Variants in GALNTL6 observed in about 807,000 individuals in gnomAD.
GALNTL6 encodes polypeptide N-acetylgalactosaminyltransferase like 6, also known as polypeptide N-acetylgalactosaminyltransferase-like 6.
Under a neutral mutation model 73.7 loss-of-function variants are expected in GALNTL6, and 46 were observed. The ratio of observed to expected loss-of-function variants is 0.62; its 90% confidence interval spans 0.49 to 0.80. The LOEUF (loss-of-function observed/expected upper bound fraction) is 0.80. Among genes scored for constraint, GALNTL6 ranks in the 30% least tolerant of loss-of-function variants. The probability of loss-of-function intolerance (pLI) is 0.00; values close to 1 mark genes in which losing one functional copy is unlikely to be tolerated. For missense variants in GALNTL6, 604 were observed against 755.0 expected (o/e 0.80, Z 2.34); for synonymous variants, 259 against 263.7 (o/e 0.98, Z 0.17).
chr4:172,993,336 T>A (rs1354882652), intron 10 of GALNTL6, among the ~76,000 whole-genome samples: 4 of 152,254 alleles, frequency 2.6e-5, no homozygotes, highest in Non-Finnish European at 5.9e-5. Flanking sequence ...GGCCAAATCC[T>A]GCTGACACCT....
At position 172,341,465 on chromosome 4, in the gene GALNTL6, A is replaced by G. The variant is rs1391249992; in HGVS notation, c.387-7058A>G. ...GACTCCGTCTCAAAAAAAAAAAAAA[A>G]AAAAAAAAAAAATGTAGTTGTTTAG... On this transcript the variant is annotated intron_variant, in intron 4 of 12. Coordinates refer to ENST00000506823, the MANE Select transcript of GALNTL6 (RefSeq NM_001034845.3). Among the ~76,000 whole-genome samples the G allele has an allele frequency of 2.7e-3, 413 of 150,604 alleles. 2 individuals carry two copies. The highest frequency in any genetic ancestry group is 4.2e-3 in the South Asian group (20 of 4,724).
intron 2 of GALNTL6, among the ~76,000 whole-genome samples, chr4:172,107,125 G>A (rs1272782763): frequency 7.9e-5 from 12 of 152,016 alleles, no homozygotes; most frequent in African/African-American, 1.4e-4. Context: ...TGCCCGCCTC[G>A]GCCTCCCAAA....
chr4:172,157,606 G>T (rs928525696), intron 2 of GALNTL6, among the ~76,000 whole-genome samples: 5 of 152,074 alleles, frequency 3.3e-5, no homozygotes, highest in African/African-American at 4.8e-5. Flanking sequence ...GTAATCAATT[G>T]CAGAGAGTAT....
In GALNTL6 at chr4:171,970,121, C is replaced by T. The variant is rs142850861; in HGVS notation, c.138+155403C>T. Among the ~76,000 whole-genome samples, 5 of 152,184 alleles carry T rather than the reference C, an allele frequency of 3.3e-5. No homozygotes were observed. In the East Asian group the frequency reaches 5.8e-4, roughly 18 times the overall value. ...AAATTATGGATTCAACTTGACTTTG[C>T]GTATAAATTGAAGAGAGGATTTTTG... On this transcript the variant is annotated intron_variant, in intron 2 of 12. Coordinates refer to ENST00000506823, the MANE Select transcript of GALNTL6 (RefSeq NM_001034845.3).
intron 5 of GALNTL6, among the ~76,000 whole-genome samples, chr4:172,413,069 A>C (rs1744505059): frequency 6.6e-6 from 1 of 152,118 alleles, no homozygotes; most frequent in Non-Finnish European, 1.5e-5. Context: ...GAAGACTCCC[A>C]CTTAGTTCTC....
At chr4:172,188,205 C>T (rs1579231397) in intron 2 of GALNTL6, among the ~76,000 whole-genome samples, 1 of 152,278 alleles carries the variant, frequency 6.6e-6, no homozygotes, top group South Asian at 2.1e-4. Context: ...CATACAAATT[C>T]TATTCAACAT....
chr4:171,869,244 G>C (rs991571901), intron 2 of GALNTL6, among the ~76,000 whole-genome samples: 1 of 152,136 alleles, frequency 6.6e-6, no homozygotes, highest in African/African-American at 2.4e-5. Flanking sequence ...TAGAAAGAAA[G>C]AGAAAAGGAA....
intron 5 of GALNTL6, among the ~76,000 whole-genome samples, chr4:172,487,490 G>A (rs6835263): frequency 0.05 from 7,549 of 151,614 alleles, 580 homozygotes; most frequent in African/African-American, 0.17. Context: ...GGGTTCAAGC[G>A]ATTCTCTTGC....
At chr4:171,884,061 T>C (rs1182007312) in intron 2 of GALNTL6, among the ~76,000 whole-genome samples, 1 of 152,184 alleles carries the variant, frequency 6.6e-6, no homozygotes, top group African/African-American at 2.4e-5. Context: ...AGTAACATAT[T>C]TTACAAACTA....
At chr4:172,831,674 T>A (rs778196887) in intron 7 of GALNTL6, among the ~76,000 whole-genome samples, 1 of 152,026 alleles carries the variant, frequency 6.6e-6, no homozygotes, top group Non-Finnish European at 1.5e-5. Context: ...ATGACCTAAG[T>A]GTTTGTATCC....
At position 172,405,425 on chromosome 4, in the gene GALNTL6, ATATATATATATATATATATTTTTTTTT is replaced by A. The variant is rs1312894229; in HGVS notation, c.553+56738_553+56764del. ...TTGATATATATATATATATATATAT[ATATATATATATATATATATTTTTTTTT>A]TTTTTTTTTTTTTTCTCCTTGCATT... On this transcript the variant is annotated intron_variant, in intron 5 of 12. Transcript: ENST00000506823. 4.9e-4 allele frequency among the ~76,000 whole-genome samples: 56 copies of A among 114,206 alleles called. 1 individual carries two copies. The highest frequency in any genetic ancestry group is 1.8e-3 in the African/African-American group (44 of 24,320). The allele number at this position is 114,206 out of a possible 152,430, so 74.9% of individuals were successfully genotyped here.
intron 5 of GALNTL6, among the ~76,000 whole-genome samples, chr4:172,723,277 T>TG (rs967189999): frequency 1.3e-5 from 2 of 152,244 alleles, no homozygotes; most frequent in African/African-American, 4.8e-5. Context: ...GGACATCTTT[T>TG]GGGGGGCCAA....
At chr4:172,425,360 CAT>C (rs1391014186) in intron 5 of GALNTL6, 1 of 152,048 alleles carries the variant, frequency 6.6e-6, no homozygotes, top group African/African-American at 2.4e-5. Context: ...TTTCTTCCCA[CAT>C]GTTTTCAGAG....
chr4:172,580,583 C>T (rs1336457450), intron 5 of GALNTL6, among the ~76,000 whole-genome samples: 1 of 152,056 alleles, frequency 6.6e-6, no homozygotes, highest in Non-Finnish European at 1.5e-5. Flanking sequence ...GTGTGCACAC[C>T]ATCTTCTCTA....
intron 2 of GALNTL6, among the ~76,000 whole-genome samples, chr4:172,174,658 G>A (rs1265657656): frequency 2.0e-5 from 3 of 152,062 alleles, no homozygotes; most frequent in African/African-American, 7.2e-5. Context: ...TTATTGGATG[G>A]AGTTTACATA....
chr4:172,377,887 C>T (rs1743100033), intron 5 of GALNTL6, among the ~76,000 whole-genome samples: 1 of 151,900 alleles, frequency 6.6e-6, no homozygotes, highest in African/African-American at 2.4e-5. Flanking sequence ...GCGAGCGCTG[C>T]ACGCAGCACC....
At chr4:171,960,801 C>G (rs1482518174) in intron 2 of GALNTL6, among the ~76,000 whole-genome samples, 1 of 149,978 alleles carries the variant, frequency 6.7e-6, no homozygotes, top group Non-Finnish European at 1.5e-5. Context: ...TGGTGTTGAA[C>G]TATTACAACT....
chr4:172,268,349 G>C (rs140074172), intron 3 of GALNTL6, among the ~76,000 whole-genome samples: 1 of 152,300 alleles, frequency 6.6e-6, no homozygotes, highest in African/African-American at 2.4e-5. Flanking sequence ...GGATTGGGAA[G>C]AGCAGAAAGT....
At chr4:171,969,738 T>C (rs1579017450) in intron 2 of GALNTL6, among the ~76,000 whole-genome samples, 1 of 151,218 alleles carries the variant, frequency 6.6e-6, no homozygotes, top group African/African-American at 2.4e-5. Context: ...GAGGCAAACA[T>C]AGGCTACATA....
Sources: gnomAD v4.1 joint callset for allele counts (sites outside exome capture counted in the v4.1 genomes callset) on GRCh38, gnomAD v4.1.1 for gene constraint, MANE v1.5 for transcripts, NCBI Gene and HGNC (gene_info 2026-07-23, HGNC 2026-07-21) for gene names.